Variants in VGLL1 observed in about 807,000 individuals in gnomAD.
VGLL1 encodes the protein transcription cofactor vestigial-like protein 1.
Under a neutral mutation model 12.0 loss-of-function variants are expected in VGLL1, and 4 were observed. The ratio of observed to expected loss-of-function variants is 0.33; its 90% CI spans 0.16 to 0.76. The LOEUF is 0.76. Ranked by LOEUF, VGLL1 falls within the 30% of genes least tolerant of loss-of-function variation. VGLL1 has a pLI of 0.60. For synonymous variants in VGLL1, 87 were observed against 81.2 expected (o/e 1.07, Z -0.39); for missense variants, 204 against 208.7 (o/e 0.98, Z 0.14).
chrX:136,533,748 A>G (rs1195407419), intron 1 of VGLL1, among the ~76,000 whole-genome samples: 1 of 111,788 alleles, frequency 8.9e-6, no homozygotes, highest in African/African-American at 3.3e-5. Context: ...CCTAGGGATT[A>G]GGAGATAGAT....
At chrX:136,535,189 A>G (rs1371818755) in intron 1 of VGLL1, among the ~76,000 whole-genome samples, 1 of 111,525 alleles carries the variant, frequency 9.0e-6, no homozygotes, top group Non-Finnish European at 1.9e-5. Flanking sequence ...CAATGATGGA[A>G]CCCAAGTTTA....
chrX:136,547,051 C>T (rs1476503969), intron 2 of VGLL1, among the ~76,000 whole-genome samples: 1 of 112,519 alleles, frequency 8.9e-6, no homozygotes, highest in African/African-American at 3.2e-5. Flanking sequence ...ACTGGGCAGG[C>T]CTTTCAGAAT....
rs745885623 is a variant in VGLL1 at position 136,532,220 on chromosome X, C to A, written c.-102C>A. On this transcript the variant is annotated 5_prime_UTR_variant, in exon 1 of 5. Transcript: ENST00000370634. ...CAGCTCCTGCTTCCGCAAGCACTAACCTGCTCTGAAGTGAGCCAGGCAGCT... is the reference window on the plus strand; with the variant it reads ...CAGCTCCTGCTTCCGCAAGCACTAAACTGCTCTGAAGTGAGCCAGGCAGCT... 1.8e-5 allele frequency: 2 copies of A among 111,676 alleles called. No individual in the cohort carries two copies. The highest frequency in any genetic ancestry group is 5.6e-4 in the East Asian group (2 of 3,574). The allele number at this position is 111,676 out of a possible 1,213,427, so 9.2% of individuals were successfully genotyped here.
At position 136,532,533 on chromosome X, in the gene VGLL1, G is replaced by T. The variant is rs192068880; in HGVS notation, c.-26+237G>T. The stretch of plus-strand genomic sequence containing the variant: ...GTCCATGCAGGCAGATTGTGGTAGA[G>T]TTCTGGCCAAAATGCTGGTTTGGGA... On this transcript the variant is annotated intron_variant, in intron 1 of 4. Transcript: ENST00000370634. 4.5e-5 allele frequency among the ~76,000 whole-genome samples: 5 copies of T among 110,894 alleles called. No homozygotes were observed. The East Asian group carries it at 1.1e-3, about 25-fold the overall frequency.
At chrX:136,545,033 A>G (rs771369959) in intron 2 of VGLL1, among the ~76,000 whole-genome samples, 1 of 112,587 alleles carries the variant, frequency 8.9e-6, no homozygotes, top group African/African-American at 3.2e-5. Flanking sequence ...ATGAATAATA[A>G]CAACAGCAAC....
Position 136,533,756 on chromosome X carries a change from G to T in VGLL1, c.-26+1460G>T, listed in dbSNP as rs151298978. ...GAGGCCCCCTAGGGATTAGGAGATA[G>T]ATGGAGAGACTGAGGCCCATAGAGG... On this transcript the variant is annotated intron_variant, in intron 1 of 4. Transcript: ENST00000370634. 1.6e-3 allele frequency among the ~76,000 whole-genome samples: 184 copies of T among 111,835 alleles called. 1 individual carries two copies. Among genetic ancestry groups the T allele is most frequent in the African/African-American group, 5.6e-3 (173 of 30,809 alleles).
intron 2 of VGLL1, among the ~76,000 whole-genome samples, chrX:136,548,285 G>A (rs2075874986): frequency 8.9e-6 from 1 of 111,991 alleles, no homozygotes; most frequent in African/African-American, 3.3e-5. Context: ...ACAGGCATGA[G>A]CCACTGTGCC....
chrX:136,551,317 T>C (rs761496431), intron 4 of VGLL1, among the ~76,000 whole-genome samples: 6 of 111,590 alleles, frequency 5.4e-5, no homozygotes, highest in Admixed American at 9.5e-5. Flanking sequence ...GAGGATTAGC[T>C]TGCTGTGTCC....
chrX:136,535,591 C>T (rs2075837520), intron 1 of VGLL1, among the ~76,000 whole-genome samples: 1 of 111,175 alleles, frequency 9.0e-6, no homozygotes, highest in Non-Finnish European at 1.9e-5. Flanking sequence ...GTCAAGCTCT[C>T]CATGGGAGCC....
In VGLL1 at chrX:136,536,057, A is replaced by G. The variant is rs754600649; in HGVS notation, c.37A>G (p.Lys13Glu). 5.0e-6 allele frequency: 6 copies of G among 1,209,601 alleles called. No individual in the cohort carries two copies. The Admixed American group carries it at 1.1e-4, about 22-fold the overall frequency. The change falls in exon 2 of 5, where the codon AAA (lysine) becomes GAA (glutamate). Residue 13 changes from lysine (K) to glutamate (E), a missense_variant. Coordinates refer to ENST00000370634, the MANE Select transcript of VGLL1 (RefSeq NM_016267.4). The part of the protein sequence containing the change: ...EMKKTAIRLP[K>E]GKQKPIKTEW... ...GAAGAAGACTGCCATCCGGCTGCCCAAAGGCAAACAGAAGCCTATAAAGAC... is the reference window on the plus strand; with the variant it reads ...GAAGAAGACTGCCATCCGGCTGCCCGAAGGCAAACAGAAGCCTATAAAGAC...
chrX:136,537,901 G>T (rs1028842456), intron 2 of VGLL1, among the ~76,000 whole-genome samples: 1 of 110,219 alleles, frequency 9.1e-6, no homozygotes, highest in Admixed American at 9.7e-5. Flanking sequence ...CTATAGGCCT[G>T]ATGGGGCAGG....
chrX:136,541,069 G>A (rs2075854921), intron 2 of VGLL1, among the ~76,000 whole-genome samples: 1 of 112,593 alleles, frequency 8.9e-6, no homozygotes, highest in South Asian at 3.6e-4. Flanking sequence ...TAAGATAGAT[G>A]TGAGGACCTG....
chrX:136,547,598 A>G (rs964321184), intron 2 of VGLL1, among the ~76,000 whole-genome samples: 1 of 111,868 alleles, frequency 8.9e-6, no homozygotes, highest in Non-Finnish European at 1.9e-5. Context: ...TGTGCCTCAT[A>G]TTACTCTGGA....
chrX:136,542,531 GT>G (rs1158848856), intron 2 of VGLL1, among the ~76,000 whole-genome samples: 1 of 112,690 alleles, frequency 8.9e-6, no homozygotes, highest in Non-Finnish European at 1.9e-5. Context: ...TGGTGATCAG[GT>G]TCTGTTACTC....
At chrX:136,532,641 CTTTCT>C (rs1569359215) in intron 1 of VGLL1, among the ~76,000 whole-genome samples, 3 of 88,434 alleles carry the variant, frequency 3.4e-5, no homozygotes, top group Admixed American at 1.3e-4. Context: ...TTCTTTCTTT[CTTTCT>C]TTCTTTCTTT....
At chrX:136,543,105 A>G (rs1443167363) in intron 2 of VGLL1, among the ~76,000 whole-genome samples, 1 of 111,696 alleles carries the variant, frequency 9.0e-6, no homozygotes, top group African/African-American at 3.3e-5. Context: ...TTAGCCACTC[A>G]GCATTTCGAA....
At chrX:136,556,201 C>G (rs746442477) in intron 4 of VGLL1, among the ~76,000 whole-genome samples, 1 of 112,176 alleles carries the variant, frequency 8.9e-6, no homozygotes, top group African/African-American at 3.2e-5. Context: ...AATCTGATAA[C>G]TTACTCATTA....
chrX:136,534,193 C>T (rs916174673), intron 1 of VGLL1, among the ~76,000 whole-genome samples: 4 of 112,428 alleles, frequency 3.6e-5, no homozygotes, highest in African/African-American at 1.3e-4. Context: ...ATAGGTCTTA[C>T]GTGTAAAATT....
At chrX:136,539,247 A>G (rs1380607436) in intron 2 of VGLL1, among the ~76,000 whole-genome samples, 1 of 111,988 alleles carries the variant, frequency 8.9e-6, no homozygotes, top group East Asian at 2.8e-4. Context: ...CCAAGCTGGG[A>G]TAAAACCAAC....
Sources: allele counts gnomAD v4.1 joint callset (sites outside exome capture counted in the v4.1 genomes callset), GRCh38; gene constraint gnomAD v4.1.1; transcripts MANE v1.5; gene names NCBI Gene and HGNC (gene_info 2026-07-23, HGNC 2026-07-21).